The following PBX1 variants were observed in gnomAD, a reference collection of about 807,000 sequenced individuals.
The protein encoded by PBX1 is PBX homeobox 1.
Under a neutral mutation model 53.4 loss-of-function variants are expected in PBX1, and 6 were observed. The observed-to-expected ratio is 0.11, with a 90% CI of 0.06 to 0.22. The LOEUF is 0.22. Among genes scored for constraint, PBX1 ranks in the 10% least tolerant of loss-of-function variants. PBX1 has a pLI of 1.00. For missense variants in PBX1, 251 were observed against 551.4 expected, an observed-to-expected ratio of 0.46 and a Z score of 5.46; for synonymous variants, 204 against 212.3, an observed-to-expected ratio of 0.96 and a Z score of 0.34.
chr1:164,686,112 A>G lies in PBX1; in HGVS notation c.266-106382A>G, dbSNP rs975711351. Reference sequence around the variant, plus strand: ...TCATCTATTAAGGGGAGAGCTACCTACAGGGCGGGGAACTTACAAGGATTA... The same window carrying G: ...TCATCTATTAAGGGGAGAGCTACCTGCAGGGCGGGGAACTTACAAGGATTA... On this transcript the variant is annotated intron_variant, in intron 2 of 8. Coordinates refer to ENST00000420696, the MANE Select transcript of PBX1 (RefSeq NM_002585.4). Among the ~76,000 whole-genome samples the G allele has an allele frequency of 8.7e-4, 133 of 152,288 alleles. 1 individual carries two copies. The highest frequency in any genetic ancestry group is 3.1e-3 in the African/African-American group (127 of 41,546).
At chr1:164,760,161 G>A (rs568611384) in intron 2 of PBX1, among the ~76,000 whole-genome samples, 3 of 152,120 alleles carry the variant, frequency 2.0e-5, no homozygotes, top group Admixed American at 6.5e-5. Flanking sequence ...CTGTCACTCC[G>A]TCTTGACTAC....
At position 164,740,174 on chromosome 1, in the gene PBX1, G is replaced by A. The variant is rs12026502; in HGVS notation, c.266-52320G>A. 2.3e-3 allele frequency among the ~76,000 whole-genome samples: 347 copies of A among 152,252 alleles called. 11 individuals are homozygous for A. In the East Asian group the frequency reaches 0.057, roughly 25 times the overall value. On this transcript the variant is annotated intron_variant, in intron 2 of 8. Coordinates refer to ENST00000420696, the MANE Select transcript of PBX1 (RefSeq NM_002585.4). Reference sequence around the variant, plus strand: ...GAAAGAGATGAAGATGAAAGGTTACGGCTAGTTGGCAGAGGCCAAGAGAGC... The same window carrying A: ...GAAAGAGATGAAGATGAAAGGTTACAGCTAGTTGGCAGAGGCCAAGAGAGC...
intron 2 of PBX1, among the ~76,000 whole-genome samples, chr1:164,709,084 C>G (rs944669843): frequency 2.6e-5 from 4 of 152,162 alleles, no homozygotes; most frequent in African/African-American, 4.8e-5. Flanking sequence ...AGTCACGGTA[C>G]TCATGGGGCC....
At chr1:164,618,504 G>A (rs932686795) in intron 2 of PBX1, among the ~76,000 whole-genome samples, 1 of 152,204 alleles carries the variant, frequency 6.6e-6, no homozygotes, top group African/African-American at 2.4e-5. Flanking sequence ...ATAAATGAAA[G>A]AGTGGAAGAT....
At chr1:164,691,399 C>T (rs1419079623) in intron 2 of PBX1, among the ~76,000 whole-genome samples, 1 of 152,194 alleles carries the variant, frequency 6.6e-6, no homozygotes, top group Non-Finnish European at 1.5e-5. Context: ...ACAAATCACA[C>T]TAGAGTACTG....
intron 2 of PBX1, among the ~76,000 whole-genome samples, chr1:164,720,598 A>C (rs1403282731): frequency 2.0e-5 from 3 of 152,216 alleles, no homozygotes; most frequent in Non-Finnish European, 4.4e-5. Flanking sequence ...GAAGTCATGG[A>C]AACAAAAGCT....
chr1:164,609,827 T>A (rs1197354022), intron 2 of PBX1, among the ~76,000 whole-genome samples: 1 of 152,170 alleles, frequency 6.6e-6, no homozygotes, highest in African/African-American at 2.4e-5. Flanking sequence ...ACTCAGTCTT[T>A]CTTTAGTTAA....
At chr1:164,773,236 A>AACAC (rs1193168258) in intron 2 of PBX1, among the ~76,000 whole-genome samples, 4 of 48,010 alleles carry the variant, frequency 8.3e-5, no homozygotes, top group African/African-American at 4.1e-4. Flanking sequence ...GCATATAGGT[A>AACAC]ACACGCGCAC....
intron 2 of PBX1, among the ~76,000 whole-genome samples, chr1:164,765,666 T>G (rs894026596): frequency 6.6e-6 from 1 of 152,146 alleles, no homozygotes; most frequent in African/African-American, 2.4e-5. Context: ...AGTTTACAGA[T>G]GAAGAAACAA....
At position 164,709,472 on chromosome 1, in the gene PBX1, C is replaced by T. The variant is rs79173388; in HGVS notation, c.266-83022C>T. ...CTGCTGAGCCAACTCATGAGTTCAG[C>T]GGGGGATTCTCATGTTTCCAGGATA... On this transcript the variant is annotated intron_variant, in intron 2 of 8. Transcript: ENST00000420696. 4.2e-3 allele frequency among the ~76,000 whole-genome samples: 644 copies of T among 152,022 alleles called. 5 individuals carry two copies. The highest frequency in any genetic ancestry group is 0.015 in the African/African-American group (611 of 41,456).
intron 5 of PBX1, among the ~76,000 whole-genome samples, chr1:164,808,488 A>G (rs1235213152): frequency 6.6e-6 from 1 of 152,248 alleles, no homozygotes; most frequent in African/African-American, 2.4e-5. Flanking sequence ...GGTTTTTCTT[A>G]GAATTTTGTC....
At chr1:164,771,623 GAAC>G (rs1337677585) in intron 2 of PBX1, 1 of 151,776 alleles carries the variant, frequency 6.6e-6, no homozygotes. Context: ...GCTGGAAGCT[GAAC>G]TGAACATTGT....
chr1:164,624,764 A>C (rs922683006), intron 2 of PBX1, among the ~76,000 whole-genome samples: 1 of 152,154 alleles, frequency 6.6e-6, no homozygotes, highest in Non-Finnish European at 1.5e-5. Context: ...CATCTGTAGA[A>C]GCTAAAAATA....
chr1:164,784,555 TAAAC>T (rs1036554013), intron 2 of PBX1, among the ~76,000 whole-genome samples: 2 of 152,126 alleles, frequency 1.3e-5, no homozygotes, highest in African/African-American at 2.4e-5. Context: ...CCACAAAACA[TAAAC>T]AAACAAACAA....
intron 2 of PBX1, among the ~76,000 whole-genome samples, chr1:164,607,919 G>A (rs1047115043): frequency 3.3e-5 from 5 of 152,178 alleles, no homozygotes; most frequent in Admixed American, 6.5e-5. Context: ...CATATATTAT[G>A]TTAACTTCAT....
chr1:164,735,109 G>T (rs946565404), intron 2 of PBX1, among the ~76,000 whole-genome samples: 21 of 152,088 alleles, frequency 1.4e-4, no homozygotes, highest in African/African-American at 4.8e-4. Flanking sequence ...CATCTATAAT[G>T]CATTGATAAT....
At chr1:164,773,825 T>G (rs542843045) in intron 2 of PBX1, among the ~76,000 whole-genome samples, 1 of 152,268 alleles carries the variant, frequency 6.6e-6, no homozygotes, top group Admixed American at 6.5e-5. Flanking sequence ...TTAGAAGAGT[T>G]AGCTGGGGAG....
chr1:164,869,695 A>G (rs917621339), intron 2 of PBX1, among the ~76,000 whole-genome samples: 1 of 152,260 alleles, frequency 6.6e-6, no homozygotes, highest in Admixed American at 6.5e-5. Context: ...GTAGAATATT[A>G]GGGATAAATG....
chr1:164,757,158 C>A (rs990959403), intron 2 of PBX1, among the ~76,000 whole-genome samples: 2 of 151,944 alleles, frequency 1.3e-5, no homozygotes, highest in Non-Finnish European at 2.9e-5. Flanking sequence ...ATCATTGCCC[C>A]CCATGGAAAC....
Sources: gnomAD v4.1 joint callset for allele counts (sites outside exome capture counted in the v4.1 genomes callset) on GRCh38, gnomAD v4.1.1 for gene constraint, MANE v1.5 for transcripts, NCBI Gene and HGNC (gene_info 2026-07-23, HGNC 2026-07-21) for gene names.